FILIP1: variants seen among roughly 807,000 people sequenced by gnomAD.
The protein encoded by FILIP1 is filamin A interacting protein 1.
FILIP1 carries 61 observed loss-of-function variants against 102.1 expected under a neutral mutation model. The observed-to-expected ratio is 0.60, with a 90% confidence interval of 0.49 to 0.74. FILIP1 has a LOEUF of 0.74. FILIP1 is among the 30% of genes least tolerant of loss of function. The pLI is 0.00. For missense variants in FILIP1, 1,314 were observed against 1,441.2 expected (o/e 0.91, Z 1.43); for synonymous variants, 491 against 526.9 (o/e 0.93, Z 0.93).
chr6:75,312,975 T>C lies in FILIP1; in HGVS notation c.2857A>G (p.Thr953Ala). The change falls in exon 5 of 6, where the codon ACC (threonine) becomes GCC (alanine). Residue 953 changes from threonine (T) to alanine (A), a missense_variant. Coordinates refer to ENST00000237172, the MANE Select transcript of FILIP1 (RefSeq NM_015687.5). ...PTLGNQKPRI[T>A]IIPSPNVMPQ... ...ATAACGTTTGGTGATGGAATAATGGTTATTCTTGGTTTCTGATTCCCTAAG... is the reference window on the plus strand; with the variant it reads ...ATAACGTTTGGTGATGGAATAATGGCTATTCTTGGTTTCTGATTCCCTAAG... The C allele has an allele frequency of 1.2e-6, 2 of 1,614,180 alleles. No homozygotes were observed. The highest frequency in any genetic ancestry group is 1.7e-6 in the Non-Finnish European group (2 of 1,180,024).
At chr6:75,311,620 C>T (rs1773189140) in intron 5 of FILIP1, among the ~76,000 whole-genome samples, 1 of 152,134 alleles carries the variant, frequency 6.6e-6, no homozygotes, top group South Asian at 2.1e-4. Context: ...CCTCAGCCTC[C>T]CAAGTAGCTG....
intron 2 of FILIP1, among the ~76,000 whole-genome samples, chr6:75,403,229 T>C (rs1387888200): frequency 6.6e-6 from 1 of 151,974 alleles, no homozygotes; most frequent in Non-Finnish European, 1.5e-5. Flanking sequence ...AAATATTGAA[T>C]AGGGCCAAGT....
At chr6:75,333,550 C>T (rs947019991) in intron 4 of FILIP1, among the ~76,000 whole-genome samples, 1 of 152,096 alleles carries the variant, frequency 6.6e-6, no homozygotes, top group Non-Finnish European at 1.5e-5. Context: ...CATAGTTGAA[C>T]TCAAGATATT....
intron 4 of FILIP1, among the ~76,000 whole-genome samples, chr6:75,325,245 A>G (rs1029052261): frequency 2.0e-5 from 3 of 152,162 alleles, no homozygotes; most frequent in Admixed American, 6.5e-5. Context: ...AATACGGTGA[A>G]GCCCTATCTC....
At chr6:75,365,057 G>C (rs1775283086) in intron 2 of FILIP1, among the ~76,000 whole-genome samples, 2 of 152,122 alleles carry the variant, frequency 1.3e-5, no homozygotes, top group Non-Finnish European at 2.9e-5. Flanking sequence ...TGGCAAGCTG[G>C]AAGTTCTTGA....
chr6:75,477,059 T>A (rs1375578350), intron 1 of FILIP1, among the ~76,000 whole-genome samples: 1 of 152,224 alleles, frequency 6.6e-6, no homozygotes, highest in Admixed American at 6.5e-5. Flanking sequence ...AAAAAAATTA[T>A]CCCTGTGAAT....
chr6:75,369,892 C>G (rs1240811396), intron 2 of FILIP1, among the ~76,000 whole-genome samples: 1 of 152,190 alleles, frequency 6.6e-6, no homozygotes, highest in Non-Finnish European at 1.5e-5. Context: ...TAACCATGAC[C>G]CCAGCACGAT....
chr6:75,371,175 C>T (rs1161957663), intron 2 of FILIP1, among the ~76,000 whole-genome samples: 1 of 152,110 alleles, frequency 6.6e-6, no homozygotes, highest in Non-Finnish European at 1.5e-5. Flanking sequence ...ACAAGAAGAA[C>T]ATTCAGACAT....
At chr6:75,488,517 T>C (rs1300741634) in intron 1 of FILIP1, among the ~76,000 whole-genome samples, 1 of 152,096 alleles carries the variant, frequency 6.6e-6, no homozygotes, top group African/African-American at 2.4e-5. Flanking sequence ...CTATAATATA[T>C]TCATTCCGCA....
intron 1 of FILIP1, among the ~76,000 whole-genome samples, chr6:75,459,789 G>A (rs770257864): frequency 6.6e-6 from 1 of 152,084 alleles, no homozygotes; most frequent in Non-Finnish European, 1.5e-5. Context: ...TTGATATTCA[G>A]GTTACCCACA....
In FILIP1 at chr6:75,301,550, A is replaced by G. The variant is rs551993144; in HGVS notation, c.3494-5600T>C. On this transcript the variant is annotated intron_variant, in intron 6 of 6. Coordinates refer to the FILIP1 transcript ENST00000393004. The stretch of plus-strand genomic sequence containing the variant: ...GTTCTAACCAGCTCTGTGATTTTGC[A>G]TATATGTAGCATTAGCAGAAGTAGA... 6.6e-5 allele frequency among the ~76,000 whole-genome samples: 10 copies of G among 152,286 alleles called. No individual in the cohort carries two copies. The East Asian group carries it at 1.9e-3, about 29-fold the overall frequency.
chr6:75,339,964 A>T (rs1252639580), intron 4 of FILIP1, among the ~76,000 whole-genome samples: 1 of 151,760 alleles, frequency 6.6e-6, no homozygotes, highest in Non-Finnish European at 1.5e-5. Flanking sequence ...ATAAATAAAT[A>T]TATATATAAT....
rs528225863 is a variant in FILIP1, at chr6:75,312,810, G to C, written c.3022C>G (p.Gln1008Glu). 125 of 1,614,192 alleles carry C rather than the reference G, an allele frequency of 7.7e-5. 2 individuals carry two copies. In the South Asian group the frequency reaches 1.3e-3, roughly 17 times the overall value. Residue 1008 changes from glutamine to glutamate, a missense_variant, in exon 5 of 6, where the codon CAG (glutamine) becomes GAG (glutamate). Physicochemically the swap from Gln to Glu is conservative, Grantham distance 29. Transcript: ENST00000237172. ...GCTGATGTAGACACCGTCATTATCT[G>C]AATAGGGGATGTGGGCCTGTCTGCA... ...AFADRPTSPIQIMTVSTSAAP... is the reference protein window; with the variant it reads ...AFADRPTSPIEIMTVSTSAAP...
chr6:75,474,031 C>A (rs1318447383), intron 1 of FILIP1: 1 of 152,082 alleles, frequency 6.6e-6, no homozygotes, highest in Admixed American at 6.6e-5. Flanking sequence ...TAAATTATTT[C>A]GAAATAGCTT....
At chr6:75,299,379 C>T (rs1278462239) in intron 6 of FILIP1, among the ~76,000 whole-genome samples, 11 of 152,122 alleles carry the variant, frequency 7.2e-5, no homozygotes, top group Admixed American at 7.2e-4. Context: ...TTGGAGAGCA[C>T]TTAATAGGCA....
intron 4 of FILIP1, among the ~76,000 whole-genome samples, chr6:75,337,777 A>G (rs1194827352): frequency 6.6e-6 from 1 of 152,196 alleles, no homozygotes; most frequent in Non-Finnish European, 1.5e-5. Context: ...GGAATAACAT[A>G]ATCCAAAACT....
intron 1 of FILIP1, among the ~76,000 whole-genome samples, chr6:75,492,573 T>G (rs567514804): frequency 3.9e-4 from 60 of 152,244 alleles, no homozygotes; most frequent in African/African-American, 1.4e-3. Flanking sequence ...CTATAAGCAA[T>G]TCTGATAAAA....
At chr6:75,444,550 A>G (rs1016341496) in intron 1 of FILIP1, among the ~76,000 whole-genome samples, 4 of 82,810 alleles carry the variant, frequency 4.8e-5, no homozygotes, top group Admixed American at 3.9e-4. Flanking sequence ...TTGATTTACA[A>G]CATCAAAAAA....
intron 1 of FILIP1, among the ~76,000 whole-genome samples, chr6:75,460,136 T>C (rs977495604): frequency 2.6e-5 from 4 of 152,200 alleles, no homozygotes; most frequent in African/African-American, 7.2e-5. Flanking sequence ...GGAGCATGTC[T>C]AAGGATTCTT....
Sources: allele counts gnomAD v4.1 joint callset (sites outside exome capture counted in the v4.1 genomes callset), GRCh38; gene constraint gnomAD v4.1.1; transcripts MANE v1.5; gene names NCBI Gene and HGNC (gene_info 2026-07-23, HGNC 2026-07-21).